QTRT2: variants seen among roughly 807,000 people sequenced by gnomAD.
The protein encoded by QTRT2 is queuine tRNA-ribosyltransferase domain containing 1.
A neutral mutation model predicts 44.8 loss-of-function variants in QTRT2; 32 were observed. The ratio of observed to expected loss-of-function variants is 0.71; its 90% CI spans 0.54 to 0.96. The LOEUF (loss-of-function observed/expected upper bound fraction) is 0.96, where lower values mean the gene tolerates loss of function less well. Among genes scored for constraint, QTRT2 ranks in the 40% least tolerant of loss-of-function variants. QTRT2 has a pLI of 0.00. For synonymous variants in QTRT2, 182 were observed against 187.4 expected, an observed-to-expected ratio of 0.97 and a Z score of 0.24; for missense variants, 461 against 503.1, an observed-to-expected ratio of 0.92 and a Z score of 0.80.
chr3:114,074,504 CTTTCA>C (rs1198081009), intron 6 of QTRT2, among the ~76,000 whole-genome samples: 4 of 152,206 alleles, frequency 2.6e-5, no homozygotes, highest in Non-Finnish European at 4.4e-5. Flanking sequence ...ATCATCTCAT[CTTTCA>C]CCTGGATCAT....
At chr3:114,068,158 T>C in intron 5 of QTRT2, 95 bp downstream of exon 5, 1 of 965,726 alleles carries the variant, frequency 1.0e-6, no homozygotes, top group Non-Finnish European at 1.7e-6. Context: ...CTGTCTGGGA[T>C]GATCCCTTAT....
rs150732372 is a variant in QTRT2 at position 114,075,681 on chromosome 3, G to A, written c.547-1062G>A. On this transcript the variant is annotated intron_variant, in intron 6 of 9. Coordinates refer to ENST00000281273, the MANE Select transcript of QTRT2 (RefSeq NM_024638.4). Reference sequence around the variant, plus strand: ...ATGCTGCCACACCCGGCTGATTTTTGTATTTTTAGTAGAGATGGGGTTTCA... The same window carrying A: ...ATGCTGCCACACCCGGCTGATTTTTATATTTTTAGTAGAGATGGGGTTTCA... Among the ~76,000 whole-genome samples, 776 of 151,610 alleles carry A rather than the reference G, an allele frequency of 5.1e-3. 8 individuals carry two copies. The highest frequency in any genetic ancestry group is 0.017 in the African/African-American group (703 of 41,328).
intron 8 of QTRT2, among the ~76,000 whole-genome samples, chr3:114,082,204 C>CCACACACACACACACACACA (rs71146306): frequency 2.9e-4 from 40 of 138,862 alleles, no homozygotes; most frequent in African/African-American, 7.9e-4. Context: ...GATAACCCCA[C>CCACACACACACACACACACA]CACACACACA....
rs56306334 is a variant in QTRT2, at chr3:114,083,314, CTGTTGTTGTTGT to C, written c.1016+545_1016+556del. ...GTTGTTGTTGTTGCTGTTGCTGCTGCTGTTGTTGTTGTTGTTGTTGTTGTTGTTGTTGTTGTG... is the reference window on the plus strand; with the variant it reads ...GTTGTTGTTGTTGCTGTTGCTGCTGCTGTTGTTGTTGTTGTTGTTGTTGTG... On this transcript the variant is annotated intron_variant, in intron 9 of 9. Coordinates refer to ENST00000281273, the MANE Select transcript of QTRT2 (RefSeq NM_024638.4). Among the ~76,000 whole-genome samples the C allele has an allele frequency of 5.7e-3, 852 of 150,302 alleles. 8 individuals are homozygous for C. The highest frequency in any genetic ancestry group is 0.02 in the African/African-American group (807 of 40,806).
chr3:114,062,105 C>G (rs2076894953), intron 2 of QTRT2, among the ~76,000 whole-genome samples: 1 of 151,730 alleles, frequency 6.6e-6, no homozygotes, highest in Non-Finnish European at 1.5e-5. Context: ...GTGGCTCACG[C>G]CTGTAATCCC....
intron 4 of QTRT2, 87 bp from the exon 5 acceptor site, chr3:114,067,900 G>C (rs2107791324): frequency 8.8e-7 from 1 of 1,131,308 alleles, no homozygotes; most frequent in East Asian, 2.4e-5. Flanking sequence ...TTATTCAGCA[G>C]TACACATTGC....
intron 7 of QTRT2, chr3:114,077,220 C>T: frequency 2.7e-6 from 1 of 367,492 alleles, no homozygotes; most frequent in Non-Finnish European, 5.0e-6. Flanking sequence ...ACTGTTTCCC[C>T]TCATTCTTGT....
Position 114,066,157 on chromosome 3 carries a change from G to A in QTRT2, c.201-71G>A, listed in dbSNP as rs1262228607. The A allele has an allele frequency of 1.5e-5, 16 of 1,081,314 alleles. No homozygotes were observed. The East Asian group carries it at 3.3e-4, about 22-fold the overall frequency. The allele number at this position is 1,081,314 out of a possible 1,614,324, so 67.0% of individuals were successfully genotyped here. A position where few individuals can be genotyped will look rare whatever the true frequency, so the allele number is the denominator to read the frequency against. On this transcript the variant is annotated intron_variant, in intron 3 of 9. Transcript: ENST00000281273. ...TAACTTATTTGGGTGAGGAGAAGAG[G>A]GCTCCAGTTGTACAGAGTATTTACA...
chr3:114,083,314 CTGTTGTTGTTGTTGTTGT>C (rs56306334), intron 9 of QTRT2, among the ~76,000 whole-genome samples: 5 of 150,304 alleles, frequency 3.3e-5, no homozygotes, highest in Admixed American at 6.7e-5. Flanking sequence ...GTTGCTGCTG[CTGTTGTTGTTGTTGTTGT>C]TGTTGTTGTT....
intron 2 of QTRT2, among the ~76,000 whole-genome samples, chr3:114,061,855 G>A (rs1222052582): frequency 1.3e-5 from 2 of 152,128 alleles, no homozygotes; most frequent in Non-Finnish European, 2.9e-5. Context: ...TGGAATTACA[G>A]GCGTGAGCCA....
At position 114,066,283 on chromosome 3, in the gene QTRT2, G is replaced by A. The variant is rs2076953023; in HGVS notation, c.256G>A (p.Gly86Ser). The A allele has an allele frequency of 6.3e-7, 1 of 1,588,860 alleles. No homozygotes were observed. The highest frequency in any genetic ancestry group is 8.6e-7 in the Non-Finnish European group (1 of 1,158,012). ...EYKEGVGKFI[G>S]MPESLLYCSL... is the part of the protein sequence containing the mutation. ...TAAAGAAGGAGTTGGAAAGTTTATAGGTAAAAATTAAGTTACTTATATGTG... is the reference window on the plus strand; with the variant it reads ...TAAAGAAGGAGTTGGAAAGTTTATAAGTAAAAATTAAGTTACTTATATGTG... The change falls in exon 4 of 10, where the codon GGC (glycine) becomes AGC (serine). Residue 86 changes from glycine (G) to serine (S), a missense_variant and splice_region_variant. Physicochemically the swap from Gly to Ser is moderately conservative, Grantham distance 56. Transcript: ENST00000281273.
chr3:114,074,649 C>G (rs2077065442), intron 6 of QTRT2, among the ~76,000 whole-genome samples: 1 of 152,194 alleles, frequency 6.6e-6, no homozygotes, highest in East Asian at 1.9e-4. Flanking sequence ...GAGTGAGATT[C>G]TCTCTTCACA....
Position 114,079,960 on chromosome 3 carries a change from A to C in QTRT2, c.801A>C (p.Gly267=), listed in dbSNP as rs759811951. 1.7e-5 allele frequency: 28 copies of C among 1,613,856 alleles called. No individual in the cohort carries two copies. In the Admixed American group the frequency reaches 4.5e-4, roughly 26 times the overall value. Residue 267 remains glycine, a synonymous_variant, in exon 8 of 10, where the codon GGA becomes GGC. Coordinates refer to ENST00000281273, the MANE Select transcript of QTRT2 (RefSeq NM_024638.4). ...PDEVLECIER[G]VDLFESFFPY... is the part of the protein sequence containing the mutation. ...AGGTGCTCGAGTGTATTGAAAGAGG[A>C]GTGGACTTATTTGAGAGTTTTTTCC...
At chr3:114,065,890 T>C (rs952361636) in intron 3 of QTRT2, among the ~76,000 whole-genome samples, 9 of 152,248 alleles carry the variant, frequency 5.9e-5, no homozygotes, top group African/African-American at 2.2e-4. Flanking sequence ...TTATACTTAA[T>C]TGAAAAGCCT....
intron 2 of QTRT2, among the ~76,000 whole-genome samples, chr3:114,060,496 G>GTAGATAGA (rs71146305): frequency 7.1e-4 from 103 of 144,546 alleles, no homozygotes; most frequent in East Asian, 2.0e-3. Flanking sequence ...AGGTAGGTAG[G>GTAGATAGA]TAGATAGATA....
intron 9 of QTRT2, 40 bp from the exon 10 acceptor site, chr3:114,085,633 T>C (rs1185076142): frequency 6.5e-7 from 1 of 1,537,050 alleles, no homozygotes; most frequent in Non-Finnish European, 9.0e-7. Flanking sequence ...ATTTCTTGTA[T>C]TCCGTACTTT....
At chr3:114,080,227 TTAATACTA>T (rs1186908961) in intron 8 of QTRT2, among the ~76,000 whole-genome samples, 170 bp downstream of exon 8, 1 of 152,226 alleles carries the variant, frequency 6.6e-6, no homozygotes, top group Non-Finnish European at 1.5e-5. Context: ...ATCCAGGTAC[TTAATACTA>T]TACATGTAGC....
At chr3:114,073,734 T>C (rs2077053683) in intron 6 of QTRT2, among the ~76,000 whole-genome samples, 1 of 147,556 alleles carries the variant, frequency 6.8e-6, no homozygotes, top group Non-Finnish European at 1.5e-5. Context: ...CCCTTTATTA[T>C]TGTCTTGACA....
intron 6 of QTRT2, among the ~76,000 whole-genome samples, chr3:114,076,168 ATTTAC>A (rs889887879): frequency 4.6e-5 from 7 of 151,770 alleles, no homozygotes; most frequent in African/African-American, 1.7e-4. Context: ...CATTTTATTT[ATTTAC>A]TTATTTTTCT....
Sources: gnomAD v4.1 joint callset for allele counts (sites outside exome capture counted in the v4.1 genomes callset) on GRCh38, gnomAD v4.1.1 for gene constraint, MANE v1.5 for transcripts, NCBI Gene and HGNC (gene_info 2026-07-23, HGNC 2026-07-21) for gene names.